The following WDR88 variants were observed in gnomAD, a reference collection of about 807,000 sequenced individuals.
The protein encoded by WDR88 is WD repeat domain 88.
Under a neutral mutation model 46.8 loss-of-function variants are expected in WDR88, and 40 were observed. The ratio of observed to expected loss-of-function variants is 0.86; its 90% CI spans 0.66 to 1.11. The LOEUF (loss-of-function observed/expected upper bound fraction) is 1.11. WDR88 is among the 50% of genes most tolerant of loss of function. WDR88 has a pLI of 0.00. For missense variants in WDR88, 562 were observed against 602.4 expected, an observed-to-expected ratio of 0.93 and a Z score of 0.70; for synonymous variants, 235 against 240.7, an observed-to-expected ratio of 0.98 and a Z score of 0.22.
intron 2 of WDR88, among the ~76,000 whole-genome samples, chr19:33,141,887 G>A (rs1973403087): frequency 6.6e-6 from 1 of 152,008 alleles, no homozygotes; most frequent in African/African-American, 2.4e-5. Flanking sequence ...CATCATGTTG[G>A]CCAGGCTGGT....
At chr19:33,157,760 C>G (rs1973790308) in intron 7 of WDR88, among the ~76,000 whole-genome samples, 1 of 137,276 alleles carries the variant, frequency 7.3e-6, no homozygotes, top group African/African-American at 2.7e-5. Context: ...TAAAGAGGAC[C>G]TTTAGTGGTC....
rs147156559 is a variant in WDR88 at position 33,137,683 on chromosome 19, T to C, written c.283T>C (p.Phe95Leu). The change falls in exon 2 of 11, where the codon TTT becomes CTT. Residue 95 changes from phenylalanine (F) to leucine (L), a missense_variant. Coordinates refer to ENST00000355868, the MANE Select transcript of WDR88 (RefSeq NM_173479.4). ...GDQDPLSKIP[F>L]KILSGHEHAV... ...TGGTCTCTCCTTTTTTCAGATCCCA[T>C]TTAAAATTCTGAGTGGGCACGAGCA... 7.6e-4 allele frequency: 1,223 copies of C among 1,613,848 alleles called. 1 individual carries two copies. Among genetic ancestry groups the C allele is most frequent in the Admixed American group, 1.1e-3 (64 of 59,972 alleles).
At chr19:33,160,713 G>A (rs887253338) in intron 8 of WDR88, among the ~76,000 whole-genome samples, 1 of 152,192 alleles carries the variant, frequency 6.6e-6, no homozygotes, top group Admixed American at 6.5e-5. Context: ...ACAGAGGCGG[G>A]GGACCCATCC....
intron 1 of WDR88, among the ~76,000 whole-genome samples, chr19:33,135,578 C>T (rs951773354): frequency 6.6e-5 from 10 of 151,940 alleles, no homozygotes; most frequent in African/African-American, 2.2e-4. Flanking sequence ...CCACCATGCC[C>T]GGCTAATTTT....
chr19:33,153,229 G>GTT (rs35860325), intron 6 of WDR88, among the ~76,000 whole-genome samples: 13,359 of 129,292 alleles, frequency 0.1, 1,381 homozygotes, highest in African/African-American at 0.27. Flanking sequence ...TTTTAAGTTT[G>GTT]TTTTTTTTTT....
intron 3 of WDR88, 112 bp downstream of exon 3, chr19:33,145,044 A>C: frequency 9.9e-7 from 1 of 1,011,662 alleles, no homozygotes; most frequent in Non-Finnish European, 1.5e-6. Context: ...ATGGGGTCTC[A>C]CCATGTGGCC....
intron 1 of WDR88, among the ~76,000 whole-genome samples, chr19:33,136,800 C>T (rs1450975095): frequency 1.3e-5 from 2 of 151,554 alleles, no homozygotes; most frequent in South Asian, 4.2e-4. Context: ...TGGTCTTAAT[C>T]TCCTGGCCTC....
intron 6 of WDR88, among the ~76,000 whole-genome samples, chr19:33,153,760 T>C (rs1039610676): frequency 6.6e-6 from 1 of 152,192 alleles, no homozygotes; most frequent in Non-Finnish European, 1.5e-5. Context: ...CCCAAAGTGC[T>C]GGGATTACAG....
chr19:33,157,687 GTATATATA>G (rs1173664875), intron 7 of WDR88, among the ~76,000 whole-genome samples: 2 of 3,384 alleles, frequency 5.9e-4, no homozygotes, highest in East Asian at 4.3e-3. Context: ...GTGTATGTAT[GTATATATA>G]TATATATATA....
At chr19:33,169,249 T>C (rs972490223) in intron 9 of WDR88, among the ~76,000 whole-genome samples, 1 of 152,078 alleles carries the variant, frequency 6.6e-6, no homozygotes, top group African/African-American at 2.4e-5. Flanking sequence ...CTAAACTTCG[T>C]TGAAATTAAG....
intron 9 of WDR88, among the ~76,000 whole-genome samples, chr19:33,169,875 TTTTA>T (rs1974009736): frequency 6.6e-6 from 1 of 151,746 alleles, no homozygotes; most frequent in Non-Finnish European, 1.5e-5. Flanking sequence ...TATTTATTTA[TTTTA>T]TTTTATTTTA....
intron 8 of WDR88, among the ~76,000 whole-genome samples, chr19:33,162,433 T>A (rs1973884154): frequency 6.6e-6 from 1 of 151,936 alleles, no homozygotes; most frequent in Non-Finnish European, 1.5e-5. Flanking sequence ...CAGGCTGGTC[T>A]CGATCTCCTG....
At chr19:33,168,575 CAATT>C (rs1414954427) in intron 9 of WDR88, among the ~76,000 whole-genome samples, 1 of 152,032 alleles carries the variant, frequency 6.6e-6, no homozygotes, top group Non-Finnish European at 1.5e-5. Flanking sequence ...AAGACTGGCA[CAATT>C]AATACTATAA....
chr19:33,159,279 G>A (rs552405897), intron 7 of WDR88, among the ~76,000 whole-genome samples: 3 of 151,646 alleles, frequency 2.0e-5, no homozygotes, highest in East Asian at 1.9e-4. Context: ...AAGCTGCTGT[G>A]AGCTGATTGC....
intron 2 of WDR88, among the ~76,000 whole-genome samples, chr19:33,143,337 C>CAAAA (rs59380405): frequency 1.0e-4 from 5 of 49,342 alleles, no homozygotes; most frequent in Non-Finnish European, 1.9e-4. Flanking sequence ...GATCCAGTGT[C>CAAAA]AAAAAAAAAA....
intron 3 of WDR88, among the ~76,000 whole-genome samples, chr19:33,146,500 T>C (rs1375798716): frequency 2.3e-5 from 3 of 131,544 alleles, no homozygotes; most frequent in Non-Finnish European, 4.9e-5. Context: ...TCCTTCCCCT[T>C]CCTTCCTCCC....
chr19:33,173,776 C>T (rs2145429841), intron 10 of WDR88, among the ~76,000 whole-genome samples: 1 of 152,350 alleles, frequency 6.6e-6, no homozygotes, highest in Admixed American at 6.5e-5. Flanking sequence ...CCTCTGTGAG[C>T]CCTGTTGTTC....
Position 33,132,235 on chromosome 19 carries a change from C to T in WDR88, c.66C>T (p.Ser22=), listed in dbSNP as rs200476499. The T allele has an allele frequency of 1.5e-4, 239 of 1,611,128 alleles. No homozygotes were observed. The highest frequency in any genetic ancestry group is 1.9e-4 in the South Asian group (17 of 91,084). The change falls in exon 1 of 11, where the codon TCC becomes TCT. Residue 22 remains serine, a synonymous_variant. Transcript: ENST00000355868. Reference sequence around the variant, plus strand: ...GGGAATGCAAGTTGCCGCCACCCTCCGCCCCCGCCAGCGAGTATTGTCCCG... The same window carrying T: ...GGGAATGCAAGTTGCCGCCACCCTCTGCCCCCGCCAGCGAGTATTGTCCCG... ...HDRECKLPPP[S]APASEYCPGK... is the part of the protein sequence containing the mutation.
rs1334129164 is a variant in WDR88, at chr19:33,175,438, A to G, written c.1285A>G (p.Thr429Ala). The part of the protein sequence containing the change: ...DRPFSIFKSD[T>A]SSEMFTQCVF... The stretch of plus-strand genomic sequence containing the variant: ...GCCTTTCTCCATCTTCAAGAGTGAC[A>G]CCTCTTCTGAAATGTTCACCCAATG... Residue 429 changes from threonine (T) to alanine (A), a missense_variant, in exon 11 of 11, where the codon ACC becomes GCC. Coordinates refer to ENST00000355868, the MANE Select transcript of WDR88 (RefSeq NM_173479.4). 1 of 1,614,042 alleles carries G rather than the reference A, an allele frequency of 6.2e-7. No homozygotes were observed. Among genetic ancestry groups the G allele is most frequent in the Non-Finnish European group, 8.5e-7 (1 of 1,180,012 alleles).
Sources: gnomAD v4.1 joint callset for allele counts (sites outside exome capture counted in the v4.1 genomes callset) on GRCh38, gnomAD v4.1.1 for gene constraint, MANE v1.5 for transcripts, NCBI Gene and HGNC (gene_info 2026-07-23, HGNC 2026-07-21) for gene names.